Variants in ZNF407 observed in about 807,000 individuals in gnomAD.
The protein encoded by ZNF407 is zinc finger protein 407.
In ZNF407, 17 loss-of-function variants were observed where a neutral mutation model predicts 131.2. The ratio of observed to expected loss-of-function variants is 0.13; its 90% CI spans 0.09 to 0.19. The LOEUF (loss-of-function observed/expected upper bound fraction) is 0.19, where lower values mean the gene tolerates loss of function less well. Ranked by LOEUF, ZNF407 falls within the 10% of genes least tolerant of loss-of-function variation. The probability of loss-of-function intolerance (pLI) is 1.00; values close to 1 mark genes in which losing one functional copy is unlikely to be tolerated. For missense variants in ZNF407, 2,681 were observed against 2,830.6 expected (o/e 0.95, Z 1.20); for synonymous variants, 1,156 against 1,062.0 (o/e 1.09, Z -1.72).
intron 8 of ZNF407, among the ~76,000 whole-genome samples, chr18:74,928,921 G>GT (rs199811986): frequency 1.1e-4 from 16 of 152,000 alleles, no homozygotes; most frequent in Non-Finnish European, 1.9e-4. Flanking sequence ...TTTTAAAACT[G>GT]TTTTTTTAAA....
At chr18:74,602,379 C>T (rs146318114) in intron 1 of ZNF407, among the ~76,000 whole-genome samples, 2 of 152,246 alleles carry the variant, frequency 1.3e-5, no homozygotes, top group East Asian at 3.9e-4. Context: ...TTTATTCATA[C>T]AGTAGTTTCC....
chr18:74,923,828 A>T (rs1170769557), intron 8 of ZNF407, among the ~76,000 whole-genome samples: 1 of 152,142 alleles, frequency 6.6e-6, no homozygotes, highest in Non-Finnish European at 1.5e-5. Context: ...AGCAGCTTAT[A>T]GTTGCATTTT....
chr18:74,974,233 C>T (rs1469645263), intron 8 of ZNF407, among the ~76,000 whole-genome samples: 7 of 152,186 alleles, frequency 4.6e-5, no homozygotes, highest in Non-Finnish European at 1.0e-4. Flanking sequence ...AAACAGCTGA[C>T]CTCACAGCTA....
intron 8 of ZNF407, among the ~76,000 whole-genome samples, chr18:75,059,680 A>G (rs1031901218): frequency 1.4e-4 from 21 of 152,166 alleles, no homozygotes; most frequent in African/African-American, 4.3e-4. Context: ...CTGACCGGGG[A>G]TCAGCCACAC....
intron 8 of ZNF407, among the ~76,000 whole-genome samples, chr18:74,960,582 T>A (rs867570674): frequency 1.7e-3 from 122 of 70,402 alleles, no homozygotes; most frequent in Middle Eastern, 0.014. Context: ...GTCCTGAGTG[T>A]GGACTGGGTG....
At chr18:74,717,282 G>A (rs1425242966) in intron 3 of ZNF407, among the ~76,000 whole-genome samples, 1 of 152,190 alleles carries the variant, frequency 6.6e-6, no homozygotes, top group Non-Finnish European at 1.5e-5. Flanking sequence ...GTTTTGCTCA[G>A]CATTGGTTTG....
At chr18:74,865,397 C>T (rs1385128744) in intron 4 of ZNF407, among the ~76,000 whole-genome samples, 1 of 152,152 alleles carries the variant, frequency 6.6e-6, no homozygotes, top group African/African-American at 2.4e-5. Context: ...GAAAAAGTCC[C>T]TTTAATTGTT....
intron 4 of ZNF407, among the ~76,000 whole-genome samples, chr18:74,803,090 GA>G (rs932657235): frequency 3.2e-4 from 48 of 152,188 alleles, no homozygotes; most frequent in African/African-American, 1.0e-3. Flanking sequence ...GGTAGCTAAT[GA>G]GAGCTAAGTC....
intron 3 of ZNF407, among the ~76,000 whole-genome samples, chr18:74,759,917 A>G (rs1969055797): frequency 6.7e-6 from 1 of 150,032 alleles, no homozygotes; most frequent in Middle Eastern, 3.5e-3. Context: ...TTCCCCCAGT[A>G]TATAGGCCAT....
At chr18:75,056,226 G>C (rs1212495334) in intron 8 of ZNF407, among the ~76,000 whole-genome samples, 2 of 152,186 alleles carry the variant, frequency 1.3e-5, no homozygotes, top group Non-Finnish European at 1.5e-5. Context: ...TAACATGCAT[G>C]TCAAAGGCTA....
chr18:75,037,783 A>C (rs2122234919), intron 8 of ZNF407, among the ~76,000 whole-genome samples: 1 of 151,680 alleles, frequency 6.6e-6, no homozygotes, highest in South Asian at 2.1e-4. Flanking sequence ...CTGTACAGAA[A>C]CTCGGCAGGC....
intron 5 of ZNF407, among the ~76,000 whole-genome samples, chr18:74,879,568 T>C (rs1244988208): frequency 1.3e-5 from 2 of 152,210 alleles, no homozygotes. Flanking sequence ...TTCAAATTGA[T>C]TAAATAATTA....
intron 3 of ZNF407, among the ~76,000 whole-genome samples, chr18:74,643,881 T>C (rs989325804): frequency 6.6e-6 from 1 of 151,982 alleles, no homozygotes; most frequent in Non-Finnish European, 1.5e-5. Context: ...ATCTTCAGGA[T>C]CAGTTTTAAG....
intron 8 of ZNF407, among the ~76,000 whole-genome samples, chr18:75,003,194 C>A (rs575428294): frequency 2.0e-4 from 31 of 152,186 alleles, no homozygotes; most frequent in Non-Finnish European, 3.7e-4. Context: ...CATTGTATTT[C>A]TCATGTTGAA....
intron 3 of ZNF407, among the ~76,000 whole-genome samples, chr18:74,699,067 G>A (rs575876192): frequency 6.6e-6 from 1 of 151,986 alleles, no homozygotes; most frequent in South Asian, 2.1e-4. Flanking sequence ...ATCCCTTCCC[G>A]CTCTCTCTCC....
At chr18:74,838,991 G>A (rs1185622554) in intron 4 of ZNF407, among the ~76,000 whole-genome samples, 3 of 151,748 alleles carry the variant, frequency 2.0e-5, no homozygotes, top group African/African-American at 7.3e-5. Context: ...TGAGTAGACT[G>A]TCTGCAAAGT....
chr18:74,821,214 GC>G (rs1970335774), intron 4 of ZNF407, among the ~76,000 whole-genome samples: 1 of 151,816 alleles, frequency 6.6e-6, no homozygotes, highest in Non-Finnish European at 1.5e-5. Context: ...CTAGTATTTT[GC>G]AAAGTCTTAA....
intron 3 of ZNF407, among the ~76,000 whole-genome samples, chr18:74,708,908 T>C (rs1012571870): frequency 6.6e-5 from 10 of 152,274 alleles, no homozygotes; most frequent in African/African-American, 2.4e-4. Context: ...GTTTGTCAGC[T>C]GCATTGCCTC....
intron 1 of ZNF407, among the ~76,000 whole-genome samples, chr18:74,614,744 C>G (rs1490215866): frequency 6.6e-6 from 1 of 152,144 alleles, no homozygotes; most frequent in Non-Finnish European, 1.5e-5. Flanking sequence ...TTGGCATTGT[C>G]TGTAATTCTC....
Sources: allele counts gnomAD v4.1 joint callset (sites outside exome capture counted in the v4.1 genomes callset), GRCh38; gene constraint gnomAD v4.1.1; transcripts MANE v1.5; gene names NCBI Gene and HGNC (gene_info 2026-07-23, HGNC 2026-07-21).